Variants in ASAP1 observed in about 807,000 individuals in gnomAD.
ASAP1 encodes arf-GAP with SH3 domain, ANK repeat and PH domain-containing protein 1.
A neutral mutation model predicts 145.2 loss-of-function variants in ASAP1; 43 were observed. The observed-to-expected ratio is 0.30, with a 90% CI of 0.23 to 0.38. The LOEUF is 0.38. Among genes scored for constraint, ASAP1 ranks in the 10% least tolerant of loss-of-function variants. The pLI, the probability that ASAP1 is intolerant of heterozygous loss-of-function variation, is 1.00. For synonymous variants in ASAP1, 546 were observed against 515.5 expected, an observed-to-expected ratio of 1.06 and a Z score of -0.80; for missense variants, 1,018 against 1,355.3, an observed-to-expected ratio of 0.75 and a Z score of 3.91.
intron 3 of ASAP1, among the ~76,000 whole-genome samples, chr8:130,238,935 A>T (rs943218586): frequency 6.6e-6 from 1 of 152,116 alleles, no homozygotes; most frequent in Non-Finnish European, 1.5e-5. Flanking sequence ...TTCTAACTCC[A>T]TATCTTATCA....
chr8:130,370,183 T>A (rs1827147812), intron 2 of ASAP1, among the ~76,000 whole-genome samples: 1 of 152,124 alleles, frequency 6.6e-6, no homozygotes, highest in Non-Finnish European at 1.5e-5. Flanking sequence ...ACACATATAA[T>A]CCTAGCTACT....
chr8:130,278,009 C>A (rs967827533), intron 3 of ASAP1, among the ~76,000 whole-genome samples: 1 of 150,342 alleles, frequency 6.7e-6, no homozygotes, highest in East Asian at 1.9e-4. Flanking sequence ...TGGTTCTCAG[C>A]GAGGCTGAAG....
intron 3 of ASAP1, among the ~76,000 whole-genome samples, chr8:130,330,965 G>A (rs948977114): frequency 6.6e-6 from 1 of 152,108 alleles, no homozygotes; most frequent in Non-Finnish European, 1.5e-5. Context: ...ATGATATGGT[G>A]TACCAAAAAT....
rs556163991 is a variant in ASAP1, at chr8:130,053,537, C to A, written c.*1194G>T. On this transcript the variant is annotated 3_prime_UTR_variant, in exon 30 of 30. Coordinates refer to ENST00000518721, the MANE Select transcript of ASAP1 (RefSeq NM_018482.4). Reference sequence around the variant, plus strand: ...ACTTGAAGGTGGACAGAGCTTAAGACTGGAAAAATTATCTATAATTGGGGT... The same window carrying A: ...ACTTGAAGGTGGACAGAGCTTAAGAATGGAAAAATTATCTATAATTGGGGT... The A allele has an allele frequency of 1.3e-5, 2 of 152,280 alleles. No homozygotes were observed. Among genetic ancestry groups the A allele is most frequent in the South Asian group, 4.1e-4 (2 of 4,830 alleles). The allele number at this position is 152,280 out of a possible 1,614,324, so 9.4% of individuals were successfully genotyped here.
intron 24 of ASAP1, among the ~76,000 whole-genome samples, chr8:130,100,293 A>G (rs567294952): frequency 1.0e-3 from 152 of 151,996 alleles, no homozygotes; most frequent in Non-Finnish European, 1.6e-3. Context: ...TCATATACTT[A>G]TTAGCCATTT....
At chr8:130,412,625 G>A (rs1221590251) in intron 1 of ASAP1, among the ~76,000 whole-genome samples, 1 of 151,618 alleles carries the variant, frequency 6.6e-6, no homozygotes, top group Non-Finnish European at 1.5e-5. Context: ...TACGAGTCTA[G>A]CAGAATAAAT....
intron 5 of ASAP1, among the ~76,000 whole-genome samples, chr8:130,208,953 G>C (rs1164520333): frequency 6.6e-6 from 1 of 152,056 alleles, no homozygotes; most frequent in Non-Finnish European, 1.5e-5. Flanking sequence ...CAGACAAAAG[G>C]ACTAGAAAGA....
chr8:130,256,758 T>TAC (rs1401913360), intron 3 of ASAP1, among the ~76,000 whole-genome samples: 2 of 92,996 alleles, frequency 2.2e-5, no homozygotes, highest in South Asian at 5.0e-4. Flanking sequence ...TATATATATA[T>TAC]ATATATATAT....
intron 5 of ASAP1, among the ~76,000 whole-genome samples, chr8:130,209,980 C>T (rs1283939006): frequency 6.6e-6 from 1 of 152,176 alleles, no homozygotes; most frequent in Non-Finnish European, 1.5e-5. Context: ...GAATTTGCCA[C>T]GAGCTGACAG....
intron 1 of ASAP1, among the ~76,000 whole-genome samples, chr8:130,410,872 G>GT (rs1182443014): frequency 2.0e-5 from 3 of 152,060 alleles, no homozygotes; most frequent in East Asian, 1.9e-4. Flanking sequence ...TTCTTTTTCT[G>GT]TTTTTTGAGA....
chr8:130,100,399 G>A (rs1029382307), intron 24 of ASAP1, among the ~76,000 whole-genome samples: 7 of 151,496 alleles, frequency 4.6e-5, no homozygotes, highest in African/African-American at 7.3e-5. Flanking sequence ...GTGTGTTCTC[G>A]GCTCACTGCA....
At chr8:130,227,829 T>C (rs1817674310) in intron 4 of ASAP1, among the ~76,000 whole-genome samples, 1 of 152,128 alleles carries the variant, frequency 6.6e-6, no homozygotes, top group Non-Finnish European at 1.5e-5. Context: ...GTCGTCGTTC[T>C]GAGGCTTACT....
In ASAP1 at chr8:130,276,720, A is replaced by ACTCTCT. The variant is rs1263231372; in HGVS notation, c.187-39727_187-39726insAGAGAG. On this transcript the variant is annotated intron_variant, in intron 3 of 29. Coordinates refer to ENST00000518721, the MANE Select transcript of ASAP1 (RefSeq NM_018482.4). The stretch of plus-strand genomic sequence containing the variant: ...CACACACACACACACACACACACAC[A>ACTCTCT]CACACACACTCTCTCTCTCTCTCTC... Among the ~76,000 whole-genome samples, 350 of 117,262 alleles carry ACTCTCT rather than the reference A, an allele frequency of 3.0e-3. 1 individual carries two copies. The highest frequency in any genetic ancestry group is 0.01 in the African/African-American group (335 of 32,516). 76.9% of individuals were successfully genotyped at this position (117,262 alleles called of 152,430 possible).
chr8:130,222,424 C>T (rs7828842), intron 4 of ASAP1, among the ~76,000 whole-genome samples: 2,482 of 152,266 alleles, frequency 0.016, 69 homozygotes, highest in African/African-American at 0.056. Flanking sequence ...GAAACTCATG[C>T]GATACTCCCT....
At chr8:130,301,341 T>C (rs1337158134) in intron 3 of ASAP1, among the ~76,000 whole-genome samples, 3 of 152,186 alleles carry the variant, frequency 2.0e-5, no homozygotes, top group Non-Finnish European at 2.9e-5. Context: ...TGAGAAACGA[T>C]GGAAATCCTG....
At chr8:130,341,971 C>A (rs1825412025) in intron 3 of ASAP1, among the ~76,000 whole-genome samples, 1 of 152,124 alleles carries the variant, frequency 6.6e-6, no homozygotes, top group African/African-American at 2.4e-5. Flanking sequence ...GATCTCCATG[C>A]CCAACACCTA....
chr8:130,126,045 C>T lies in ASAP1; in HGVS notation c.1426G>A (p.Glu476Lys). The T allele has an allele frequency of 6.2e-7, 1 of 1,613,722 alleles. No individual in the cohort carries two copies. The highest frequency in any genetic ancestry group is 8.5e-7 in the Non-Finnish European group (1 of 1,179,898). Residue 476 changes from glutamate (E) to lysine (K), a missense_variant, in exon 17 of 30, where the codon GAA becomes AAA. Around this residue, in one of 9 missense-constraint regions of ASAP1, gnomAD observed 153 missense variants for 221.6 expected, o/e 0.69. Transcript: ENST00000518721. Reference sequence around the variant, plus strand: ...ATTTCCCTATGGATGCCAGAACATTCTATACAGGTCAAAATACCCAAGTTG... The same window carrying T: ...ATTTCCCTATGGATGCCAGAACATTTTATACAGGTCAAAATACCCAAGTTG... ...STNLGILTCI[E>K]CSGIHREMGV...
chr8:130,430,873 T>A (rs1345305479), intron 1 of ASAP1, among the ~76,000 whole-genome samples: 1 of 152,166 alleles, frequency 6.6e-6, no homozygotes, highest in Non-Finnish European at 1.5e-5. Context: ...GAAAAACATG[T>A]CACAGCTCCA....
intron 3 of ASAP1, among the ~76,000 whole-genome samples, chr8:130,279,355 T>C (rs376269560): frequency 6.6e-6 from 1 of 152,068 alleles, no homozygotes; most frequent in South Asian, 2.1e-4. Context: ...TCCATGGCTG[T>C]CCCACATGGA....
Sources: gnomAD v4.1 joint callset for allele counts (sites outside exome capture counted in the v4.1 genomes callset) on GRCh38, gnomAD v4.1.1 for gene constraint, gnomAD v4.1.1 regional missense constraint, MANE v1.5 for transcripts, NCBI Gene and HGNC (gene_info 2026-07-23, HGNC 2026-07-21) for gene names.